AKR1C8: variants seen among roughly 807,000 people sequenced by gnomAD.
The protein encoded by AKR1C8 is aldo-keto reductase family 1 member C8.
At chr10:5,126,893 C>T in the AKR1C8 span, among the ~76,000 whole-genome samples, 1 of 152,002 alleles carries the variant, frequency 6.6e-6, no homozygotes, top group African/African-American at 2.4e-5. Context: ...AAACTATAAA[C>T]ATTAAAGTCA....
chr10:5,135,219 G>C, the AKR1C8 span: 1,299 of 223,004 alleles, frequency 5.8e-3, 8 homozygotes, highest in Non-Finnish European at 0.01. Flanking sequence ...CTGATATTTG[G>C]GATCCATTGA....
chr10:5,179,850 T>G, the AKR1C8 span, among the ~76,000 whole-genome samples: 1 of 152,318 alleles, frequency 6.6e-6, no homozygotes, highest in South Asian at 2.1e-4. Context: ...CTTCTCTGTA[T>G]TTGTTATTCT....
At chr10:5,167,845 G>T in the AKR1C8 span, among the ~76,000 whole-genome samples, 89 of 152,120 alleles carry the variant, frequency 5.9e-4, 1 homozygote, top group South Asian at 0.018. Flanking sequence ...AAAATGATAC[G>T]TGATGCTAGC....
At chr10:5,163,482 C>A in the AKR1C8 span, among the ~76,000 whole-genome samples, 1 of 152,150 alleles carries the variant, frequency 6.6e-6, no homozygotes, top group African/African-American at 2.4e-5. Flanking sequence ...TCCCTGTGAC[C>A]AGTGTGACAC....
chr10:5,178,948 T>G, the AKR1C8 span, among the ~76,000 whole-genome samples: 350 of 152,158 alleles, frequency 2.3e-3, 2 homozygotes, highest in African/African-American at 8.1e-3. Flanking sequence ...CCAGTCTGTG[T>G]CTTTTAATTG....
chr10:5,170,185 C>T, the AKR1C8 span, among the ~76,000 whole-genome samples: 17 of 152,098 alleles, frequency 1.1e-4, 1 homozygote, highest in Middle Eastern at 3.4e-3. Flanking sequence ...ATCTGGTTTT[C>T]GGTTTACAGG....
the AKR1C8 span, among the ~76,000 whole-genome samples, chr10:5,175,979 T>G: frequency 6.1e-3 from 933 of 152,254 alleles, 5 homozygotes; most frequent in African/African-American, 0.021. Flanking sequence ...CTCTTTAGTT[T>G]AATTAGATCC....
the AKR1C8 span, chr10:5,163,000 G>A: frequency 1.4e-4 from 77 of 534,012 alleles, no homozygotes; most frequent in Middle Eastern, 6.3e-4. Context: ...TGGTGGCCTC[G>A]GCAGCCTGGC....
chr10:5,178,140 C>T, the AKR1C8 span, among the ~76,000 whole-genome samples: 4 of 152,154 alleles, frequency 2.6e-5, no homozygotes, highest in Non-Finnish European at 5.9e-5. Context: ...TCCCTCTACA[C>T]ACTGCTTTGA....
At chr10:5,175,429 T>C in the AKR1C8 span, among the ~76,000 whole-genome samples, 4 of 152,160 alleles carry the variant, frequency 2.6e-5, no homozygotes, top group Non-Finnish European at 5.9e-5. Context: ...AGTGCTGCAA[T>C]AAACATATGT....
the AKR1C8 span, among the ~76,000 whole-genome samples, chr10:5,178,105 T>G: frequency 6.6e-6 from 1 of 152,126 alleles, no homozygotes; most frequent in African/African-American, 2.4e-5. Context: ...CTTCTTTTTC[T>G]TGTGGGCATT....
the AKR1C8 span, among the ~76,000 whole-genome samples, chr10:5,128,785 A>G: frequency 6.6e-6 from 1 of 152,144 alleles, no homozygotes; most frequent in Non-Finnish European, 1.5e-5. Context: ...TCCCAGATTT[A>G]TAAAACTATT....
At chr10:5,117,935 C>T in the AKR1C8 span, among the ~76,000 whole-genome samples, 2 of 152,148 alleles carry the variant, frequency 1.3e-5, no homozygotes, top group Non-Finnish European at 2.9e-5. Flanking sequence ...ATCGAAAATT[C>T]AGCATATGGT....
At chr10:5,176,328 C>T in the AKR1C8 span, among the ~76,000 whole-genome samples, 5 of 135,904 alleles carry the variant, frequency 3.7e-5, no homozygotes, top group Non-Finnish European at 8.2e-5. Flanking sequence ...TTCTGTTCCA[C>T]TGATCTATAT....
chr10:5,165,012 A>G, the AKR1C8 span, among the ~76,000 whole-genome samples: 1 of 152,264 alleles, frequency 6.6e-6, no homozygotes. Context: ...TGTTGTAGTA[A>G]TCAGGAATGT....
At chr10:5,140,838 A>AAAAG in the AKR1C8 span, among the ~76,000 whole-genome samples, 2,645 of 152,070 alleles carry the variant, frequency 0.017, 82 homozygotes, top group African/African-American at 0.06. Context: ...ATAATTTAAA[A>AAAAG]AAAGAAAGAA....
the AKR1C8 span, among the ~76,000 whole-genome samples, chr10:5,142,119 T>C: frequency 1.3e-5 from 2 of 152,148 alleles, no homozygotes; most frequent in Non-Finnish European, 2.9e-5. Context: ...TTTTTTGTTA[T>C]GGAAATGGCT....
chr10:5,116,412 C>T, the AKR1C8 span, among the ~76,000 whole-genome samples: 2 of 152,218 alleles, frequency 1.3e-5, no homozygotes, highest in African/African-American at 2.4e-5. Context: ...TAGTGGATCA[C>T]TAGGAGTTAT....
chr10:5,150,156 C>T, the AKR1C8 span, among the ~76,000 whole-genome samples: 3 of 152,234 alleles, frequency 2.0e-5, no homozygotes, highest in East Asian at 5.8e-4. Context: ...AGTCCAATGG[C>T]ACAATTTCCA....
Sources: allele counts gnomAD v4.1 joint callset (sites outside exome capture counted in the v4.1 genomes callset), GRCh38; gene constraint gnomAD v4.1.1; transcripts MANE v1.5; gene names NCBI Gene and HGNC (gene_info 2026-07-23, HGNC 2026-07-21).